LGR5: variants seen among roughly 807,000 people sequenced by gnomAD.
LGR5 encodes leucine rich repeat containing G protein-coupled receptor 5.
In LGR5, 54 loss-of-function variants were observed where a neutral mutation model predicts 76.7. The ratio of observed to expected loss-of-function variants is 0.70; its 90% CI spans 0.57 to 0.88. The LOEUF is 0.88. Among genes scored for constraint, LGR5 ranks in the 40% least tolerant of loss-of-function variants. The pLI is 0.00. For synonymous variants in LGR5, 406 were observed against 421.9 expected (o/e 0.96, Z 0.46); for missense variants, 1,078 against 1,073.3 (o/e 1.00, Z -0.06).
intron 3 of LGR5, among the ~76,000 whole-genome samples, chr12:71,530,218 G>T (rs562357432): frequency 1.3e-5 from 2 of 152,152 alleles, no homozygotes; most frequent in South Asian, 4.1e-4. Context: ...CAAAATATTT[G>T]TTATTAAAGG....
chr12:71,580,503 G>A, intron 16 of LGR5, 80 bp downstream of exon 16: 1 of 1,438,456 alleles, frequency 7.0e-7, no homozygotes, highest in Non-Finnish European at 9.6e-7. Flanking sequence ...TTGATGAAAA[G>A]TCATCGAACA....
intron 1 of LGR5, among the ~76,000 whole-genome samples, chr12:71,461,411 C>T (rs12303194): frequency 0.018 from 2,794 of 152,166 alleles, 99 homozygotes; most frequent in African/African-American, 0.064. Context: ...ATTAAATTTG[C>T]TAACTTGGCA....
intron 2 of LGR5, among the ~76,000 whole-genome samples, chr12:71,518,222 C>T (rs1453274837): frequency 6.6e-6 from 1 of 152,070 alleles, no homozygotes; most frequent in Non-Finnish European, 1.5e-5. Flanking sequence ...AGAAGACATA[C>T]ATGCAGCCAA....
chr12:71,577,389 T>C (rs1341264071), intron 13 of LGR5, among the ~76,000 whole-genome samples: 1 of 152,212 alleles, frequency 6.6e-6, no homozygotes, highest in Non-Finnish European at 1.5e-5. Flanking sequence ...TTCTAACATA[T>C]GTTGGCCCCT....
chr12:71,524,560 C>A, intron 3 of LGR5, 83 bp downstream of exon 3: 2 of 889,938 alleles, frequency 2.2e-6, no homozygotes, highest in Non-Finnish European at 3.7e-6. Context: ...CTGAGTGTCT[C>A]TAATACACTA....
chr12:71,447,825 T>G (rs1872073057), intron 1 of LGR5, among the ~76,000 whole-genome samples: 1 of 152,160 alleles, frequency 6.6e-6, no homozygotes, highest in Non-Finnish European at 1.5e-5. Flanking sequence ...TCAGTTCGGT[T>G]CAGAAACTGA....
intron 1 of LGR5, among the ~76,000 whole-genome samples, chr12:71,458,329 C>T (rs1316164624): frequency 6.6e-6 from 1 of 152,014 alleles, no homozygotes; most frequent in Non-Finnish European, 1.5e-5. Flanking sequence ...TTAAAAGGGC[C>T]TCTGTGAGGT....
At chr12:71,566,786 ATGTCACTG>A (rs1791083501) in intron 10 of LGR5, 47 bp from the exon 11 acceptor site, 4 of 1,582,254 alleles carry the variant, frequency 2.5e-6, no homozygotes, top group Non-Finnish European at 3.5e-6. Context: ...GAGTCAAAAT[ATGTCACTG>A]TGTGATGCCT....
At chr12:71,580,815 G>GA (rs1345262316) in intron 16 of LGR5, among the ~76,000 whole-genome samples, 4 of 151,750 alleles carry the variant, frequency 2.6e-5, no homozygotes, top group Non-Finnish European at 5.9e-5. Flanking sequence ...AAAAAAAAAG[G>GA]AAAAAAAATT....
chr12:71,580,350 T>C lies in LGR5; in HGVS notation c.1479T>C (p.Asn493=). 1 of 1,613,996 alleles carries C rather than the reference T, an allele frequency of 6.2e-7. No individual in the cohort carries two copies. Among genetic ancestry groups the C allele is most frequent in the Non-Finnish European group, 8.5e-7 (1 of 1,179,896 alleles). ...GVCENAYKIS[N]QWNKGDNSSM... is the part of the protein sequence containing the mutation. ...GTGAGAATGCCTATAAGATTTCTAA[T>C]CAATGGAATAAAGGTGACAACAGCA... Residue 493 remains asparagine (N), a synonymous_variant, in exon 16 of 18, where the codon AAT becomes AAC. Coordinates refer to ENST00000266674, the MANE Select transcript of LGR5 (RefSeq NM_003667.4).
chr12:71,506,635 G>A (rs1006561025), intron 2 of LGR5, among the ~76,000 whole-genome samples: 11 of 152,120 alleles, frequency 7.2e-5, no homozygotes, highest in African/African-American at 2.7e-4. Context: ...CAGAAATAGA[G>A]GAGACCCTTT....
At chr12:71,483,715 T>G (rs1873707456) in intron 1 of LGR5, among the ~76,000 whole-genome samples, 1 of 152,136 alleles carries the variant, frequency 6.6e-6, no homozygotes. Flanking sequence ...TTCTTTACCT[T>G]TAAAATGGAC....
intron 3 of LGR5, among the ~76,000 whole-genome samples, chr12:71,524,848 A>G (rs1370601671): frequency 1.3e-5 from 2 of 152,162 alleles, no homozygotes; most frequent in Admixed American, 6.5e-5. Flanking sequence ...TAATGAGACC[A>G]CAGCTTCAAA....
In LGR5 at chr12:71,440,055, G is replaced by C. The variant is rs369732552; in HGVS notation, c.-26G>C. On this transcript the variant is annotated 5_prime_UTR_variant, in exon 1 of 18. Coordinates refer to ENST00000266674, the MANE Select transcript of LGR5 (RefSeq NM_003667.4). This position sits in a 1 kb window ranked among gnomAD's most constrained non-coding sequence, Gnocchi z 5.3. ...CGGTGCTGCTCTCCGCCCGCGTCCGGCTCGTGGCCCCCTACTTCGGGCACC... is the reference window on the plus strand; with the variant it reads ...CGGTGCTGCTCTCCGCCCGCGTCCGCCTCGTGGCCCCCTACTTCGGGCACC... The C allele has an allele frequency of 1.7e-5, 27 of 1,596,698 alleles. No individual in the cohort carries two copies. The highest frequency in any genetic ancestry group is 3.3e-5 in the South Asian group (3 of 90,948).
At chr12:71,542,485 G>C (rs1259192403) in intron 4 of LGR5, among the ~76,000 whole-genome samples, 1 of 152,110 alleles carries the variant, frequency 6.6e-6, no homozygotes, top group Non-Finnish European at 1.5e-5. Context: ...GGGTTTTAAG[G>C]CTGGCAGGTG....
chr12:71,517,170 A>G (rs1875487380), intron 2 of LGR5, among the ~76,000 whole-genome samples: 1 of 152,206 alleles, frequency 6.6e-6, no homozygotes, highest in Non-Finnish European at 1.5e-5. Context: ...CTATGTTTGT[A>G]TGCATTTCGG....
chr12:71,529,435 G>A (rs184371237), intron 3 of LGR5, among the ~76,000 whole-genome samples: 4 of 152,264 alleles, frequency 2.6e-5, no homozygotes, highest in Admixed American at 2.6e-4. Context: ...CAGCATGGCA[G>A]AAAGCGCCCC....
intron 3 of LGR5, among the ~76,000 whole-genome samples, chr12:71,524,714 T>G (rs1258321108): frequency 6.6e-6 from 1 of 152,212 alleles, no homozygotes; most frequent in Non-Finnish European, 1.5e-5. Flanking sequence ...TGCCTTTAAA[T>G]AACTACCTTA....
intron 1 of LGR5, among the ~76,000 whole-genome samples, chr12:71,487,758 T>C (rs1366874569): frequency 6.6e-6 from 1 of 152,184 alleles, no homozygotes; most frequent in Non-Finnish European, 1.5e-5. Flanking sequence ...GTCGTATCTG[T>C]GTTATTATAC....
Sources: gnomAD v4.1 joint callset for allele counts (sites outside exome capture counted in the v4.1 genomes callset) on GRCh38, gnomAD v4.1.1 for gene constraint, Gnocchi (gnomAD v3.1) non-coding constraint, MANE v1.5 for transcripts, NCBI Gene and HGNC (gene_info 2026-07-23, HGNC 2026-07-21) for gene names.